The following DENND2A variants were observed in gnomAD, a reference collection of about 807,000 sequenced individuals.
The protein encoded by DENND2A is DENN domain-containing protein 2A.
DENND2A carries 53 observed loss-of-function variants against 105.3 expected under a neutral mutation model. The ratio of observed to expected loss-of-function variants is 0.50; its 90% CI spans 0.40 to 0.63. The LOEUF (loss-of-function observed/expected upper bound fraction) is 0.63. Ranked by LOEUF, DENND2A falls within the 30% of genes least tolerant of loss-of-function variation. DENND2A has a pLI of 0.00. For missense variants in DENND2A, 1,138 were observed against 1,279.6 expected, an observed-to-expected ratio of 0.89 and a Z score of 1.69; for synonymous variants, 522 against 508.4, an observed-to-expected ratio of 1.03 and a Z score of -0.36.
In DENND2A at chr7:140,602,293, G is replaced by A; in HGVS notation, c.105C>T (p.Ala35=). 1.9e-6 allele frequency: 3 copies of A among 1,609,028 alleles called. No homozygotes were observed. The highest frequency in any genetic ancestry group is 2.5e-6 in the Non-Finnish European group (3 of 1,180,012). ...GGGACTTGTGCCGGGGTCTGGCTCT[G>A]GCAGATGGGCAAGGGTTCTGAACAC... ...LRGVQNPCPS[A]RARPRHKSLN... The change falls in exon 3 of 20, where the codon GCC becomes GCT. Residue 35 remains alanine (A), a synonymous_variant. Transcript: ENST00000496613.
chr7:140,628,910 A>G (rs901732557), intron 1 of DENND2A, among the ~76,000 whole-genome samples: 3 of 152,186 alleles, frequency 2.0e-5, no homozygotes, highest in African/African-American at 7.2e-5. Context: ...ATTAATCAGC[A>G]AGCTGGAGAC....
chr7:140,631,123 A>G (rs1585794144), intron 1 of DENND2A, among the ~76,000 whole-genome samples: 2 of 152,216 alleles, frequency 1.3e-5, no homozygotes, highest in East Asian at 3.8e-4. Flanking sequence ...GGGTGTGTCA[A>G]GTGCATTAGT....
Position 140,518,593 on chromosome 7 carries a change from G to A in DENND2A, c.*114C>T. ...CCAGCCTCGGCCAGAAGCCACCGCG[G>A]CCTCCAGTTCCGCACCGTGACAACC... On this transcript the variant is annotated 3_prime_UTR_variant, in exon 20 of 20. Coordinates refer to ENST00000496613, the MANE Select transcript of DENND2A (RefSeq NM_015689.5). 1 of 1,117,316 alleles carries A rather than the reference G, an allele frequency of 9.0e-7. No individual in the cohort carries two copies. Among genetic ancestry groups the A allele is most frequent in the Non-Finnish European group, 1.3e-6 (1 of 772,064 alleles). The allele number at this position is 1,117,316 out of a possible 1,614,324, so 69.2% of individuals were successfully genotyped here.
intron 1 of DENND2A, among the ~76,000 whole-genome samples, chr7:140,614,256 C>A (rs531334183): frequency 1.1e-4 from 17 of 152,230 alleles, no homozygotes; most frequent in Non-Finnish European, 2.1e-4. Context: ...AGGCGTGCAC[C>A]AAGACATCCA....
In DENND2A at chr7:140,579,573, A is replaced by G. The variant is rs140782849; in HGVS notation, c.1246-5565T>C. ...GCACCCGGCTAATTTTTGTATTTTCAGTAGAGACGAGGTTTTGCCATGTTT... is the reference window on the plus strand; with the variant it reads ...GCACCCGGCTAATTTTTGTATTTTCGGTAGAGACGAGGTTTTGCCATGTTT... On this transcript the variant is annotated intron_variant, in intron 5 of 19. Coordinates refer to ENST00000496613, the MANE Select transcript of DENND2A (RefSeq NM_015689.5). Among the ~76,000 whole-genome samples, 847 of 151,956 alleles carry G rather than the reference A, an allele frequency of 5.6e-3. 9 individuals carry two copies. The highest frequency in any genetic ancestry group is 0.02 in the African/African-American group (811 of 41,492).
chr7:140,518,454 A>C lies in DENND2A; in HGVS notation c.*253T>G. 1 of 432,188 alleles carries C rather than the reference A, an allele frequency of 2.3e-6. No individual in the cohort carries two copies. The highest frequency in any genetic ancestry group is 4.1e-6 in the Non-Finnish European group (1 of 244,644). The allele number at this position is 432,188 out of a possible 1,614,324, so 26.8% of individuals were successfully genotyped here. A position where few individuals can be genotyped will look rare whatever the true frequency, so the allele number is the denominator to read the frequency against. ...TACTTTTAATATCTAAGATAAAAAA[A>C]AAAACCCAACCACCAAAACAACCCA... On this transcript the variant is annotated 3_prime_UTR_variant, in exon 20 of 20. Transcript: ENST00000496613.
At chr7:140,531,558 G>C (rs1235951791) in intron 14 of DENND2A, among the ~76,000 whole-genome samples, 1 of 152,144 alleles carries the variant, frequency 6.6e-6, no homozygotes, top group Non-Finnish European at 1.5e-5. Context: ...TAGCACTTTG[G>C]GAGGCTGAGG....
rs146542798 is a variant in DENND2A at position 140,593,044 on chromosome 7, C to G, written c.996-5264G>C. On this transcript the variant is annotated intron_variant, in intron 3 of 19. Transcript: ENST00000496613. ...TCAACTGCTAACCTAATTCTGTTCT[C>G]TACAAATATTTTTTTTAACTTGAAA... Among the ~76,000 whole-genome samples, 299 of 151,932 alleles carry G rather than the reference C, an allele frequency of 2.0e-3. 1 individual carries two copies. The highest frequency in any genetic ancestry group is 7.0e-3 in the African/African-American group (287 of 41,226).
intron 3 of DENND2A, among the ~76,000 whole-genome samples, chr7:140,597,521 T>C (rs1799327102): frequency 1.3e-5 from 2 of 152,188 alleles, no homozygotes; most frequent in African/African-American, 2.4e-5. Context: ...AAAGTCAAAA[T>C]TGTTAAAACA....
intron 11 of DENND2A, among the ~76,000 whole-genome samples, chr7:140,556,396 C>T (rs140389551): frequency 0.011 from 1,669 of 151,852 alleles, 38 homozygotes; most frequent in African/African-American, 0.038. Flanking sequence ...TGGAGTGCAG[C>T]GACGCGATCT....
Position 140,558,872 on chromosome 7 carries a change from G to A in DENND2A, c.1890-660C>T, listed in dbSNP as rs1407045782. ...GGCTGGGATGCAGTGGTGTGATCTCGGCTCACCACAACCTCTGCCGCCCGG... is the reference window on the plus strand; with the variant it reads ...GGCTGGGATGCAGTGGTGTGATCTCAGCTCACCACAACCTCTGCCGCCCGG... On this transcript the variant is annotated intron_variant, in intron 10 of 19. Transcript: ENST00000496613. 4.8e-5 allele frequency among the ~76,000 whole-genome samples: 7 copies of A among 147,198 alleles called. No individual in the cohort carries two copies. In the South Asian group the frequency reaches 8.6e-4, roughly 18 times the overall value.
At chr7:140,538,513 A>AT (rs1244176297) in intron 14 of DENND2A, among the ~76,000 whole-genome samples, 1 of 151,904 alleles carries the variant, frequency 6.6e-6, no homozygotes, top group Non-Finnish European at 1.5e-5. Flanking sequence ...TCTTTTTTTA[A>AT]TTTTTTTAAT....
intron 1 of DENND2A, among the ~76,000 whole-genome samples, chr7:140,638,887 C>A (rs1801062374): frequency 6.6e-6 from 1 of 152,178 alleles, no homozygotes; most frequent in South Asian, 2.1e-4. Flanking sequence ...CTGGGCAGGA[C>A]TGGTTTTACT....
At chr7:140,627,679 A>C (rs531353445) in intron 1 of DENND2A, among the ~76,000 whole-genome samples, 72 of 151,838 alleles carry the variant, frequency 4.7e-4, no homozygotes, top group African/African-American at 1.7e-3. Flanking sequence ...GCACTGCAAC[A>C]ACTGGCTAAT....
At chr7:140,577,883 C>A (rs918013096) in intron 5 of DENND2A, among the ~76,000 whole-genome samples, 1 of 152,164 alleles carries the variant, frequency 6.6e-6, no homozygotes, top group Non-Finnish European at 1.5e-5. Flanking sequence ...TTGCTTGTCA[C>A]ACCCAGAACT....
chr7:140,604,698 T>G (rs1049708565), intron 2 of DENND2A, among the ~76,000 whole-genome samples: 9 of 152,316 alleles, frequency 5.9e-5, no homozygotes, highest in African/African-American at 1.9e-4. Flanking sequence ...CTATATGCTG[T>G]GAGGCACTAT....
intron 6 of DENND2A, among the ~76,000 whole-genome samples, chr7:140,572,250 T>C (rs561307771): frequency 2.6e-5 from 4 of 151,808 alleles, no homozygotes; most frequent in African/African-American, 9.7e-5. Context: ...AAAGTGATCC[T>C]CCTATCTTGG....
At chr7:140,624,460 G>T (rs572721511) in intron 1 of DENND2A, among the ~76,000 whole-genome samples, 127 of 152,328 alleles carry the variant, frequency 8.3e-4, no homozygotes, top group African/African-American at 3.0e-3. Flanking sequence ...CAGGTGGGAC[G>T]CCAGGGCTGC....
intron 5 of DENND2A, among the ~76,000 whole-genome samples, chr7:140,578,539 C>T (rs1238292663): frequency 6.6e-6 from 1 of 152,238 alleles, no homozygotes; most frequent in Non-Finnish European, 1.5e-5. Flanking sequence ...TAGGTACACA[C>T]ATTCTTGCAT....
Sources: gnomAD v4.1 joint callset for allele counts (sites outside exome capture counted in the v4.1 genomes callset) on GRCh38, gnomAD v4.1.1 for gene constraint, MANE v1.5 for transcripts, NCBI Gene and HGNC (gene_info 2026-07-23, HGNC 2026-07-21) for gene names.